Variants in BICRAL observed in about 807,000 individuals in gnomAD.
BICRAL encodes the protein BRD4-interacting chromatin-remodeling complex-associated protein-like.
In BICRAL, 8 loss-of-function variants were observed where a neutral mutation model predicts 91.8. The ratio of observed to expected loss-of-function variants is 0.09; its 90% confidence interval spans 0.05 to 0.16. The LOEUF is 0.16. BICRAL is among the 10% of genes least tolerant of loss of function. The probability of loss-of-function intolerance (pLI) is 1.00; values close to 1 mark genes in which losing one functional copy is unlikely to be tolerated. For missense variants in BICRAL, 1,038 were observed against 1,310.9 expected, an observed-to-expected ratio of 0.79 and a Z score of 3.21; for synonymous variants, 445 against 491.1, an observed-to-expected ratio of 0.91 and a Z score of 1.24.
intron 1 of BICRAL, among the ~76,000 whole-genome samples, chr6:42,806,577 A>G (rs895394333): frequency 2.0e-5 from 3 of 147,790 alleles, no homozygotes; most frequent in Non-Finnish European, 4.5e-5. Flanking sequence ...CAATGGCGCC[A>G]TCTTGGTTCA....
At chr6:42,823,772 A>C (rs886234929) in intron 5 of BICRAL, among the ~76,000 whole-genome samples, 2 of 151,976 alleles carry the variant, frequency 1.3e-5, no homozygotes, top group Non-Finnish European at 2.9e-5. Flanking sequence ...AAATACAAAA[A>C]AAAATTGCCA....
At chr6:42,762,197 A>G (rs1458116878) in intron 1 of BICRAL, among the ~76,000 whole-genome samples, 4 of 152,178 alleles carry the variant, frequency 2.6e-5, no homozygotes, top group African/African-American at 9.7e-5. Context: ...CCTTTCTGCA[A>G]TGCTGGGGAA....
At chr6:42,840,493 G>T (rs746545366) in intron 6 of BICRAL, among the ~76,000 whole-genome samples, 1 of 151,070 alleles carries the variant, frequency 6.6e-6, no homozygotes, top group Non-Finnish European at 1.5e-5. Context: ...CGCCTGCCTC[G>T]GCCTCCCAAA....
At chr6:42,795,725 A>T (rs891661959) in intron 1 of BICRAL, among the ~76,000 whole-genome samples, 3 of 152,226 alleles carry the variant, frequency 2.0e-5, no homozygotes, top group Non-Finnish European at 2.9e-5. Flanking sequence ...ATTAACTTTT[A>T]AAATTAAATG....
chr6:42,768,071 G>C (rs1415776734), intron 1 of BICRAL, among the ~76,000 whole-genome samples: 1 of 152,142 alleles, frequency 6.6e-6, no homozygotes, highest in Non-Finnish European at 1.5e-5. Context: ...AAGGTGAAGA[G>C]AATGGATTGG....
intron 1 of BICRAL, among the ~76,000 whole-genome samples, chr6:42,802,383 A>G (rs1295260300): frequency 1.3e-5 from 2 of 152,126 alleles, no homozygotes; most frequent in South Asian, 2.1e-4. Flanking sequence ...TTGAGAATAT[A>G]TAAGTAAGAC....
Position 42,822,076 on chromosome 6 carries a change from T to C in BICRAL, c.41+13T>C. ...TTGATCTTATTGGGTAAGATGCTTATTCCAAAACCTGGGTAAATCAAATGT... is the reference window on the plus strand; with the variant it reads ...TTGATCTTATTGGGTAAGATGCTTACTCCAAAACCTGGGTAAATCAAATGT... On this transcript the variant is annotated intron_variant, in intron 3 of 12. Transcript: ENST00000314073. The C allele has an allele frequency of 4.4e-6, 7 of 1,574,620 alleles. No homozygotes were observed. Among genetic ancestry groups the C allele is most frequent in the Non-Finnish European group, 6.1e-6 (7 of 1,144,730 alleles).
intron 1 of BICRAL, among the ~76,000 whole-genome samples, chr6:42,783,087 C>T (rs1057193063): frequency 8.6e-5 from 13 of 151,190 alleles, no homozygotes; most frequent in Admixed American, 7.2e-4. Flanking sequence ...AGAGCAGGTC[C>T]GGGGTGCGGC....
intron 5 of BICRAL, among the ~76,000 whole-genome samples, chr6:42,825,142 C>T (rs913289128): frequency 6.6e-6 from 1 of 151,606 alleles, no homozygotes; most frequent in Admixed American, 6.6e-5. Context: ...TGCCTGTAAT[C>T]CCAGCTACTC....
chr6:42,751,507 A>G (rs1451131878), intron 1 of BICRAL, among the ~76,000 whole-genome samples: 2 of 152,216 alleles, frequency 1.3e-5, no homozygotes, highest in African/African-American at 4.8e-5. Flanking sequence ...TAGTGAAAGC[A>G]TTTAAGCAAA....
intron 1 of BICRAL, among the ~76,000 whole-genome samples, chr6:42,809,399 A>G (rs1252493813): frequency 1.4e-5 from 2 of 144,212 alleles, no homozygotes; most frequent in Non-Finnish European, 3.1e-5. Context: ...TTTATTGCCT[A>G]TGTTAATTGT....
intron 1 of BICRAL, among the ~76,000 whole-genome samples, chr6:42,770,335 C>G (rs1234873228): frequency 6.6e-6 from 1 of 151,914 alleles, no homozygotes; most frequent in East Asian, 1.9e-4. Context: ...TTCAAGCGAT[C>G]CTCATGCCTC....
At chr6:42,810,136 T>C (rs1763813633) in intron 1 of BICRAL, among the ~76,000 whole-genome samples, 170 bp from the exon 2 acceptor site, 1 of 152,194 alleles carries the variant, frequency 6.6e-6, no homozygotes, top group Admixed American at 6.5e-5. Context: ...CTTACTCTTT[T>C]CCACCCACTC....
intron 1 of BICRAL, among the ~76,000 whole-genome samples, chr6:42,767,865 A>G (rs894411017): frequency 6.6e-6 from 1 of 152,202 alleles, no homozygotes; most frequent in African/African-American, 2.4e-5. Flanking sequence ...CAGGAAGAAC[A>G]CAGGCAGAGC....
intron 5 of BICRAL, among the ~76,000 whole-genome samples, chr6:42,823,274 T>C (rs1016781426): frequency 6.6e-6 from 1 of 152,050 alleles, no homozygotes; most frequent in Non-Finnish European, 1.5e-5. Context: ...TACAGGCGCA[T>C]GCCACACGGG....
rs748807911 is a variant in BICRAL at position 42,865,191 on chromosome 6, C to T, written c.2985C>T (p.Gly995=). 4.4e-5 allele frequency: 71 copies of T among 1,613,940 alleles called. No homozygotes were observed. In the Admixed American group the frequency reaches 9.5e-4, roughly 22 times the overall value. Residue 995 remains glycine (G), a synonymous_variant, in exon 13 of 13, where the codon GGC becomes GGT. Coordinates refer to ENST00000314073, the MANE Select transcript of BICRAL (RefSeq NM_001393499.1). ...VLHTDIMKGS[G]EPQPDLQLTK... ...ACACAGACATCATGAAAGGGTCAGG[C>T]GAACCCCAGCCAGATCTCCAGCTGA...
chr6:42,789,305 A>T, intron 1 of BICRAL, among the ~76,000 whole-genome samples: 1 of 152,172 alleles, frequency 6.6e-6, no homozygotes, highest in Non-Finnish European at 1.5e-5. Flanking sequence ...TCCTGGAAAA[A>T]AATGGTTAAA....
At chr6:42,856,421 C>CT (rs1361233189) in intron 9 of BICRAL, among the ~76,000 whole-genome samples, 3 of 110,920 alleles carry the variant, frequency 2.7e-5, no homozygotes. Flanking sequence ...GTCGTCCAGG[C>CT]TGGAGTGCAG....
intron 6 of BICRAL, among the ~76,000 whole-genome samples, chr6:42,844,530 A>G (rs1764929392): frequency 8.7e-6 from 1 of 115,002 alleles, no homozygotes; most frequent in African/African-American, 4.3e-5. Flanking sequence ...AAAAAAAAAA[A>G]AAAAAAAAAA....
Sources: gnomAD v4.1 joint callset for allele counts (sites outside exome capture counted in the v4.1 genomes callset) on GRCh38, gnomAD v4.1.1 for gene constraint, MANE v1.5 for transcripts, NCBI Gene and HGNC (gene_info 2026-07-23, HGNC 2026-07-21) for gene names.